The following SLC36A2 variants were observed in gnomAD, a reference collection of about 807,000 sequenced individuals.
The protein encoded by SLC36A2 is proton-coupled amino acid transporter 2.
Under a neutral mutation model 42.7 loss-of-function variants are expected in SLC36A2, and 39 were observed. The ratio of observed to expected loss-of-function variants is 0.91; its 90% CI spans 0.71 to 1.19. The LOEUF (loss-of-function observed/expected upper bound fraction) is 1.19, where lower values mean the gene tolerates loss of function less well. Among genes scored for constraint, SLC36A2 ranks in the 50% most tolerant of loss-of-function variants. SLC36A2 has a pLI of 0.00. For missense variants in SLC36A2, 590 were observed against 613.7 expected (o/e 0.96, Z 0.41); for synonymous variants, 237 against 240.8 (o/e 0.98, Z 0.15).
chr5:151,333,774 A>G (rs1261452128), intron 6 of SLC36A2, among the ~76,000 whole-genome samples: 1 of 152,142 alleles, frequency 6.6e-6, no homozygotes, highest in African/African-American at 2.4e-5. Flanking sequence ...AGGCAGGAGA[A>G]TGGTGTGAAC....
chr5:151,342,901 C>G lies in SLC36A2; in HGVS notation c.427G>C (p.Ala143Pro), dbSNP rs768169962. ...AGAACAGGTTACCTTCCCCAGTGAG[C>G]GTGATTCTGGAGCCAGGCGTTGGGG... is the stretch of plus-strand genomic sequence containing the variant. ...ANPNAWLQNHAHWGRHIVSFF... is the reference protein window; with the variant it reads ...ANPNAWLQNHPHWGRHIVSFF... The change falls in exon 4 of 10, where the codon GCT becomes CCT. Residue 143 changes from alanine to proline, a missense_variant. Transcript: ENST00000335244. The G allele has an allele frequency of 2.5e-6, 4 of 1,613,860 alleles. No individual in the cohort carries two copies. The highest frequency in any genetic ancestry group is 3.4e-6 in the Non-Finnish European group (4 of 1,179,884).
At chr5:151,344,063 C>A (rs1756424301) in intron 2 of SLC36A2, 114 bp downstream of exon 2, 1 of 963,610 alleles carries the variant, frequency 1.0e-6, no homozygotes, top group Non-Finnish European at 1.6e-6. Context: ...AACCCCGCAC[C>A]AAGCTGTGTC....
chr5:151,321,918 T>C, intron 9 of SLC36A2, 128 bp downstream of exon 9: 1 of 1,181,684 alleles, frequency 8.5e-7, no homozygotes, highest in Non-Finnish European at 1.2e-6. Context: ...CCTCAGGTGA[T>C]CCACCCGCCT....
At position 151,316,740 on chromosome 5, in the gene SLC36A2, C is replaced by CAAAAAAAAAAAAA; in HGVS notation, c.*64_*76dup. 1 of 893,550 alleles carries CAAAAAAAAAAAAA rather than the reference C, an allele frequency of 1.1e-6. No homozygotes were observed. 55.4% of individuals were successfully genotyped at this position (893,550 alleles called of 1,614,324 possible). A position where few individuals can be genotyped will look rare whatever the true frequency, so the allele number is the denominator to read the frequency against. ...GGGCAACAAGACAGAAACTCCGTCT[C>CAAAAAAAAAAAAA]AAAAAAAAAAAAAAAAAAAAAAAGA... On this transcript the variant is annotated 3_prime_UTR_variant, in exon 10 of 10. Coordinates refer to ENST00000335244, the MANE Select transcript of SLC36A2 (RefSeq NM_181776.3).
chr5:151,332,082 G>A (rs533576799), intron 7 of SLC36A2, among the ~76,000 whole-genome samples: 3 of 152,064 alleles, frequency 2.0e-5, no homozygotes, highest in Non-Finnish European at 4.4e-5. Flanking sequence ...AGCCAGACTG[G>A]TCTAGAACTC....
At chr5:151,339,231 T>C in intron 4 of SLC36A2, 87 bp from the exon 5 acceptor site, 2 of 1,009,938 alleles carry the variant, frequency 2.0e-6, no homozygotes, top group Middle Eastern at 2.3e-4. Flanking sequence ...TGCCCTCTGT[T>C]CCCAGGGATT....
chr5:151,339,648 T>TC (rs1416265968), intron 4 of SLC36A2, among the ~76,000 whole-genome samples: 1 of 152,210 alleles, frequency 6.6e-6, no homozygotes, highest in South Asian at 2.1e-4. Context: ...TTAACCACCC[T>TC]CACACTCTCA....
chr5:151,344,041 T>A, intron 2 of SLC36A2, 136 bp downstream of exon 2: 1 of 804,038 alleles, frequency 1.2e-6, no homozygotes, highest in East Asian at 2.7e-5. Flanking sequence ...CCAGGCTAGA[T>A]GTCTAGACCC....
Position 151,325,366 on chromosome 5 carries a change from G to A in SLC36A2, c.930C>T (p.Tyr310=), listed in dbSNP as rs754584209. The stretch of plus-strand genomic sequence containing the variant: ...GGTAGCCCAGAGCCGCCATGCCAAT[G>A]TATAGGGAAGTGACGATGGACATTC... ...SLGMSIVTSL[Y]IGMAALGYLR... The change falls in exon 8 of 10, where the codon TAC becomes TAT. Residue 310 remains tyrosine (Y), a synonymous_variant. Transcript: ENST00000335244. The A allele has an allele frequency of 6.2e-7, 1 of 1,614,156 alleles. No homozygotes were observed. Among genetic ancestry groups the A allele is most frequent in the Non-Finnish European group, 8.5e-7 (1 of 1,179,998 alleles).
intron 7 of SLC36A2, among the ~76,000 whole-genome samples, chr5:151,330,015 G>A (rs1014507836): frequency 3.3e-5 from 5 of 151,980 alleles, no homozygotes; most frequent in African/African-American, 9.7e-5. Context: ...GGGTGTGTGT[G>A]TTTAGGGGGG....
intron 3 of SLC36A2, 130 bp from the exon 4 acceptor site, chr5:151,343,113 C>G (rs533667880): frequency 1.3e-6 from 1 of 764,246 alleles, no homozygotes; most frequent in African/African-American, 1.7e-5. Flanking sequence ...GCAGAGACCT[C>G]GGGCTTTGAC....
In SLC36A2 at chr5:151,316,611, A is replaced by C; in HGVS notation, c.*206T>G. 8.4e-6 allele frequency: 5 copies of C among 597,880 alleles called. No homozygotes were observed. The South Asian group carries it at 1.0e-4, about 12-fold the overall frequency. 37.0% of individuals were successfully genotyped at this position (597,880 alleles called of 1,614,324 possible). A position where few individuals can be genotyped will look rare whatever the true frequency, so the allele number is the denominator to read the frequency against. On this transcript the variant is annotated 3_prime_UTR_variant, in exon 10 of 10. Coordinates refer to ENST00000335244, the MANE Select transcript of SLC36A2 (RefSeq NM_181776.3). Reference sequence around the variant, plus strand: ...CAAAATTAGCCAGGCGTGCTGGACTATGCCTCTAATCCCAACTACTCGGGA... The same window carrying C: ...CAAAATTAGCCAGGCGTGCTGGACTCTGCCTCTAATCCCAACTACTCGGGA...
At chr5:151,336,910 C>G (rs543948528) in intron 5 of SLC36A2, among the ~76,000 whole-genome samples, 94 of 152,298 alleles carry the variant, frequency 6.2e-4, no homozygotes, top group African/African-American at 2.2e-3. Context: ...GGATACTCAT[C>G]TATATATTTT....
chr5:151,332,674 G>T, intron 7 of SLC36A2: 1 of 249,750 alleles, frequency 4.0e-6, no homozygotes, highest in Middle Eastern at 6.2e-4. Flanking sequence ...AGACAGTACA[G>T]GCAGAGAACA....
At chr5:151,344,131 C>G in intron 2 of SLC36A2, 46 bp downstream of exon 2, 1 of 1,569,964 alleles carries the variant, frequency 6.4e-7, no homozygotes, top group Admixed American at 1.7e-5. Context: ...TCTTACTTCC[C>G]TTCTGCAACT....
chr5:151,345,774 A>G (rs1037626653), intron 1 of SLC36A2, among the ~76,000 whole-genome samples: 2 of 152,272 alleles, frequency 1.3e-5, no homozygotes, highest in African/African-American at 4.8e-5. Context: ...TAAGTCATGC[A>G]AAGCACCAAA....
chr5:151,325,242 C>T (rs761641146), intron 8 of SLC36A2, 44 bp downstream of exon 8: 2 of 1,602,446 alleles, frequency 1.2e-6, no homozygotes, highest in South Asian at 2.2e-5. Flanking sequence ...TATACGTTTC[C>T]ACCCATTCCT....
rs373429118 is a variant in SLC36A2 at position 151,344,147 on chromosome 5, T to G, written c.255+30A>C. On this transcript the variant is annotated intron_variant, in intron 2 of 9. Transcript: ENST00000335244. ...CTTACTTCCCTTCTGCAACTGACCA[T>G]AAAGCCCCCACATGTGGCGCCTCTC... 1.2e-3 allele frequency: 1,873 copies of G among 1,603,782 alleles called. 1 individual carries two copies. The highest frequency in any genetic ancestry group is 1.5e-3 in the Non-Finnish European group (1,718 of 1,172,082).
chr5:151,334,812 T>G (rs1334208972), intron 6 of SLC36A2, among the ~76,000 whole-genome samples: 1 of 152,188 alleles, frequency 6.6e-6, no homozygotes, highest in African/African-American at 2.4e-5. Context: ...AACATTATAA[T>G]AGATTTGCTT....
Sources: allele counts gnomAD v4.1 joint callset (sites outside exome capture counted in the v4.1 genomes callset), GRCh38; gene constraint gnomAD v4.1.1; transcripts MANE v1.5; gene names NCBI Gene and HGNC (gene_info 2026-07-23, HGNC 2026-07-21).